Variants in WDR7 observed in about 807,000 individuals in gnomAD.
The protein encoded by WDR7 is WD repeat domain 7.
A neutral mutation model predicts 169.4 loss-of-function variants in WDR7; 46 were observed. The ratio of observed to expected loss-of-function variants is 0.27; its 90% CI spans 0.21 to 0.35. The LOEUF is 0.35. Ranked by LOEUF, WDR7 falls within the 10% of genes least tolerant of loss-of-function variation. The pLI, the probability that WDR7 is intolerant of heterozygous loss-of-function variation, is 1.00. For synonymous variants in WDR7, 612 were observed against 666.8 expected (o/e 0.92, Z 1.27); for missense variants, 1,534 against 1,859.3 (o/e 0.83, Z 3.22).
chr18:56,999,540 A>G (rs531726495), intron 26 of WDR7, among the ~76,000 whole-genome samples: 1 of 152,276 alleles, frequency 6.6e-6, no homozygotes, highest in South Asian at 2.1e-4. Flanking sequence ...CCATGATGTC[A>G]GCCCCTATAT....
intron 15 of WDR7, 46 bp from the exon 16 acceptor site, chr18:56,758,819 A>G (rs749771590): frequency 5.6e-6 from 8 of 1,437,602 alleles, no homozygotes; most frequent in Non-Finnish European, 7.7e-6. Flanking sequence ...TTCTGGAAAT[A>G]TGACAGTATC....
At chr18:56,886,742 T>A (rs1006874912) in intron 21 of WDR7, among the ~76,000 whole-genome samples, 21 of 152,096 alleles carry the variant, frequency 1.4e-4, no homozygotes, top group African/African-American at 4.8e-4. Context: ...ACCTAACACA[T>A]AAGGACTCAT....
At chr18:57,000,146 C>T (rs1322115472) in intron 26 of WDR7, among the ~76,000 whole-genome samples, 1 of 152,084 alleles carries the variant, frequency 6.6e-6, no homozygotes, top group East Asian at 1.9e-4. Flanking sequence ...TGTCAGTAAA[C>T]CAAAATCCTG....
chr18:57,003,289 A>G (rs2048008736), intron 26 of WDR7, among the ~76,000 whole-genome samples: 1 of 152,128 alleles, frequency 6.6e-6, no homozygotes, highest in Non-Finnish European at 1.5e-5. Context: ...GCTATTATCA[A>G]TTTAAGACTA....
chr18:56,987,205 A>T (rs1392958613), intron 26 of WDR7, among the ~76,000 whole-genome samples: 3 of 148,578 alleles, frequency 2.0e-5, no homozygotes, highest in Admixed American at 6.9e-5. Flanking sequence ...ATTCAGAACC[A>T]CTTGAAAGTG....
At chr18:56,850,401 T>A (rs1019846180) in intron 20 of WDR7, among the ~76,000 whole-genome samples, 5 of 152,222 alleles carry the variant, frequency 3.3e-5, no homozygotes, top group African/African-American at 1.2e-4. Context: ...ATTGGTTAGA[T>A]GATTGAATAA....
intron 27 of WDR7, 84 bp downstream of exon 27, chr18:57,020,933 CG>C: frequency 8.0e-7 from 1 of 1,248,106 alleles, no homozygotes; most frequent in South Asian, 1.3e-5. Context: ...GCCTACCTGC[CG>C]GCCCTCCTTC....
intron 25 of WDR7, among the ~76,000 whole-genome samples, chr18:56,947,655 A>G (rs1210559214): frequency 2.0e-5 from 3 of 152,186 alleles, no homozygotes; most frequent in Non-Finnish European, 2.9e-5. Flanking sequence ...CAGTTGGATT[A>G]TGTGTCTTCC....
chr18:56,694,606 C>T lies in WDR7; in HGVS notation c.967-13C>T, dbSNP rs637823. 187,324 of 1,596,286 alleles carry T rather than the reference C, an allele frequency of 0.12. 12,062 individuals are homozygous for T. Among genetic ancestry groups the T allele is most frequent in the Non-Finnish European group, 0.13 (154,651 of 1,168,336 alleles). ...AAATACAGCTAAAGATATTCAAATA[C>T]TTTTTTTGGCAGTTGCTAATTTGTC... On this transcript the variant is annotated splice_polypyrimidine_tract_variant and intron_variant, in intron 9 of 27. Coordinates refer to ENST00000254442, the MANE Select transcript of WDR7 (RefSeq NM_015285.3).
intron 16 of WDR7, among the ~76,000 whole-genome samples, chr18:56,772,060 C>CAA (rs71169397): frequency 4.5e-4 from 23 of 51,186 alleles, no homozygotes; most frequent in African/African-American, 1.6e-3. Context: ...GACCCTGTCT[C>CAA]AAAAAAAAAA....
intron 26 of WDR7, among the ~76,000 whole-genome samples, chr18:56,977,325 C>T (rs933485577): frequency 6.6e-6 from 1 of 152,222 alleles, no homozygotes; most frequent in African/African-American, 2.4e-5. Flanking sequence ...AAAGTTTCAG[C>T]TGTCCCCTTT....
At position 56,883,816 on chromosome 18, in the gene WDR7, C is replaced by T. The variant is rs192202538; in HGVS notation, c.3526+3651C>T. On this transcript the variant is annotated intron_variant, in intron 21 of 27. Coordinates refer to ENST00000254442, the MANE Select transcript of WDR7 (RefSeq NM_015285.3). ...TTAGAATAATGGTCTCCAGTTCCATCCAGATTTCTGTAAATGCCAATATTT... is the reference window on the plus strand; with the variant it reads ...TTAGAATAATGGTCTCCAGTTCCATTCAGATTTCTGTAAATGCCAATATTT... Among the ~76,000 whole-genome samples the T allele has an allele frequency of 3.9e-5, 6 of 152,332 alleles. No individual in the cohort carries two copies. In the East Asian group the frequency reaches 9.6e-4, roughly 24 times the overall value.
At chr18:57,024,411 A>G (rs2048329170) in intron 27 of WDR7, among the ~76,000 whole-genome samples, 1 of 152,166 alleles carries the variant, frequency 6.6e-6, no homozygotes, top group South Asian at 2.1e-4. Context: ...CTTCACATTC[A>G]TGCCGAATTT....
chr18:56,906,418 A>AGAGG (rs1284913037), intron 21 of WDR7, among the ~76,000 whole-genome samples: 1 of 152,214 alleles, frequency 6.6e-6, no homozygotes, highest in Non-Finnish European at 1.5e-5. Flanking sequence ...AGGGCATTAA[A>AGAGG]GAGGGGGAAG....
intron 20 of WDR7, among the ~76,000 whole-genome samples, chr18:56,831,484 G>C (rs964021548): frequency 2.0e-5 from 3 of 152,096 alleles, no homozygotes; most frequent in Admixed American, 2.0e-4. Context: ...GCAGGGGCCC[G>C]AACAAAGGTA....
chr18:56,919,051 T>C (rs904509551), intron 21 of WDR7, among the ~76,000 whole-genome samples: 1 of 152,182 alleles, frequency 6.6e-6, no homozygotes, highest in Non-Finnish European at 1.5e-5. Context: ...GTATTTGCTA[T>C]ATTAAAAGGA....
At chr18:56,873,571 T>G (rs988351538) in intron 20 of WDR7, 6 of 152,202 alleles carry the variant, frequency 3.9e-5, no homozygotes, top group African/African-American at 1.4e-4. Context: ...CATATGTGCT[T>G]CTGTGCCCCC....
chr18:56,734,187 T>C (rs1297639961), intron 14 of WDR7, among the ~76,000 whole-genome samples: 1 of 152,132 alleles, frequency 6.6e-6, no homozygotes, highest in Non-Finnish European at 1.5e-5. Flanking sequence ...TGTGTAGATA[T>C]AACTCATTCT....
intron 20 of WDR7, among the ~76,000 whole-genome samples, chr18:56,824,820 A>G (rs1490542632): frequency 6.6e-6 from 1 of 152,216 alleles, no homozygotes; most frequent in Admixed American, 6.5e-5. Flanking sequence ...ACGTGTTCAA[A>G]ATTAGGAGAA....
Sources: gnomAD v4.1 joint callset for allele counts (sites outside exome capture counted in the v4.1 genomes callset) on GRCh38, gnomAD v4.1.1 for gene constraint, MANE v1.5 for transcripts, NCBI Gene and HGNC (gene_info 2026-07-23, HGNC 2026-07-21) for gene names.